Variants in SYT3 observed in about 807,000 individuals in gnomAD.
The protein encoded by SYT3 is synaptotagmin-3.
SYT3 carries 25 observed loss-of-function variants against 50.6 expected under a neutral mutation model. The ratio of observed to expected loss-of-function variants is 0.49; its 90% CI spans 0.36 to 0.69. The LOEUF (loss-of-function observed/expected upper bound fraction) is 0.69, where lower values mean the gene tolerates loss of function less well. Among genes scored for constraint, SYT3 ranks in the 30% least tolerant of loss-of-function variants. The pLI is 0.00. For synonymous variants in SYT3, 323 were observed against 353.9 expected (o/e 0.91, Z 0.98); for missense variants, 589 against 793.6 (o/e 0.74, Z 3.10).
chr19:50,638,334 C>T (rs1984561513), intron 2 of SYT3, among the ~76,000 whole-genome samples: 1 of 151,978 alleles, frequency 6.6e-6, no homozygotes, highest in Non-Finnish European at 1.5e-5. Context: ...GGAGGCCAGA[C>T]TGGGGTAGAC....
Position 50,632,795 on chromosome 19 carries a change from C to G in SYT3, c.165G>C (p.Leu55=). 1 of 1,516,652 alleles carries G rather than the reference C, an allele frequency of 6.6e-7. No individual in the cohort carries two copies. The highest frequency in any genetic ancestry group is 8.8e-7 in the Non-Finnish European group (1 of 1,134,364). The allele number at this position is 1,516,652 out of a possible 1,614,324, so 93.9% of individuals were successfully genotyped here. ...RGPDADISVS[L]LSVIVTFCGI... ...CACAGAATGTCACGATGACCGACAG[C>G]AGGCTCACGGAGATGTCTGGAGAGA... The change falls in exon 4 of 11, where the codon CTG becomes CTC. Residue 55 remains leucine (L), a synonymous_variant. Transcript: ENST00000600079. This position sits in a 1 kb window ranked among gnomAD's most constrained non-coding sequence, Gnocchi z 4.7.
At chr19:50,658,038 A>G in the SYT3 span, 4 of 1,535,794 alleles carry the variant, frequency 2.6e-6, no homozygotes, top group African/African-American at 2.7e-5. Context: ...CTGGAGGCCC[A>G]GTTACCAGGG....
the SYT3 span, chr19:50,649,425 C>T: frequency 6.5e-7 from 1 of 1,536,104 alleles, no homozygotes; most frequent in Admixed American, 2.0e-5. Context: ...CCTGAGACAT[C>T]CCTCACCCAC....
chr19:50,635,800 T>C (rs1984478387), intron 3 of SYT3, among the ~76,000 whole-genome samples: 1 of 152,186 alleles, frequency 6.6e-6, no homozygotes, highest in Non-Finnish European at 1.5e-5. Context: ...TGCTGTCACA[T>C]GTCGTTGCTG....
chr19:50,636,043 A>T (rs1984485369), intron 3 of SYT3, among the ~76,000 whole-genome samples: 1 of 152,158 alleles, frequency 6.6e-6, no homozygotes, highest in Non-Finnish European at 1.5e-5. Flanking sequence ...ACTTGAGGTC[A>T]GGAGTTCGAG....
Position 50,623,986 on chromosome 19 carries a change from G to A in SYT3, c.1707+1176C>T, listed in dbSNP as rs1182591413. Among the ~76,000 whole-genome samples the A allele has an allele frequency of 8.0e-5, 12 of 150,800 alleles. No individual in the cohort carries two copies. In the South Asian group the frequency reaches 2.1e-3, roughly 26 times the overall value. On this transcript the variant is annotated intron_variant, in intron 9 of 10. Coordinates refer to ENST00000600079, the MANE Select transcript of SYT3 (RefSeq NM_001160329.2). The stretch of plus-strand genomic sequence containing the variant: ...GCTTTTTTTTTTTTTTTAAGGAGAG[G>A]GGTTCCTGCTCCATTGCCCAGGCTG...
At chr19:50,654,934 A>G in the SYT3 span, among the ~76,000 whole-genome samples, 1 of 152,228 alleles carries the variant, frequency 6.6e-6, no homozygotes, top group Non-Finnish European at 1.5e-5. Context: ...AGATTTAGAG[A>G]TAAGAGTTCC....
chr19:50,625,249 G>C lies in SYT3; in HGVS notation c.1620C>G (p.Asp540Glu). 6.4e-7 allele frequency: 1 copy of C among 1,562,826 alleles called. No homozygotes were observed. Among genetic ancestry groups the C allele is most frequent in the Non-Finnish European group, 8.6e-7 (1 of 1,158,532 alleles). ...EVIGVCRVGP[D>E]AADPHGREHW... ...GCTCGCGGCCGTGCGGGTCGGCAGC[G>C]TCGGGGCCCACACGGCACACGCCGA... Residue 540 changes from aspartate to glutamate, a missense_variant, in exon 9 of 11, where the codon GAC (aspartate) becomes GAG (glutamate). Coordinates refer to ENST00000600079, the MANE Select transcript of SYT3 (RefSeq NM_001160329.2). This position sits in a 1 kb window ranked among gnomAD's most constrained non-coding sequence, Gnocchi z 7.5.
the SYT3 span, among the ~76,000 whole-genome samples, chr19:50,653,466 C>G: frequency 6.6e-6 from 1 of 151,898 alleles, no homozygotes; most frequent in African/African-American, 2.4e-5. Context: ...GCCGGTATGA[C>G]TGGAAGAAAA....
intron 3 of SYT3, among the ~76,000 whole-genome samples, chr19:50,633,232 T>C (rs1286630280): frequency 1.3e-5 from 2 of 152,180 alleles, no homozygotes; most frequent in East Asian, 3.9e-4. Context: ...TCTTCCCACC[T>C]TGGCCTCCCA....
At chr19:50,654,225 ATTTCT>A in the SYT3 span, among the ~76,000 whole-genome samples, 2 of 151,974 alleles carry the variant, frequency 1.3e-5, no homozygotes, top group Admixed American at 1.3e-4. Flanking sequence ...ACAGAAGTGT[ATTTCT>A]TTTCTTTTCT....
At position 50,625,238 on chromosome 19, in the gene SYT3, G is replaced by A. The variant is rs778253329; in HGVS notation, c.1631C>T (p.Pro544Leu). ...VCRVGPDAAD[P>L]HGREHWAEML... ...CTCTGCCCAGTGCTCGCGGCCGTGC[G>A]GGTCGGCAGCGTCGGGGCCCACACG... The change falls in exon 9 of 11, where the codon CCG becomes CTG. Residue 544 changes from proline (P) to leucine (L), a missense_variant. By Grantham distance (98) the Pro-to-Leu change is moderately conservative. This residue lies in a region of SYT3 where 273 missense variants were observed against 439.3 expected (regional missense o/e 0.62). Coordinates refer to ENST00000600079, the MANE Select transcript of SYT3 (RefSeq NM_001160329.2). This position sits in a 1 kb window ranked among gnomAD's most constrained non-coding sequence, Gnocchi z 7.5. 44 of 1,579,542 alleles carry A rather than the reference G, an allele frequency of 2.8e-5. No homozygotes were observed. Among genetic ancestry groups the A allele is most frequent in the East Asian group, 4.6e-5 (2 of 43,556 alleles).
chr19:50,650,579 G>A, the SYT3 span, among the ~76,000 whole-genome samples: 1 of 152,172 alleles, frequency 6.6e-6, no homozygotes, highest in Non-Finnish European at 1.5e-5. Context: ...GCTGAGGCAG[G>A]AGAATCGCTT....
At chr19:50,626,092 G>A in intron 6 of SYT3, 75 bp from the exon 7 acceptor site, 1 of 1,539,522 alleles carries the variant, frequency 6.5e-7, no homozygotes, top group Non-Finnish European at 8.8e-7. Context: ...TCTCCGGTCG[G>A]AGCCTCCTGC....
chr19:50,639,393 C>G lies in SYT3; in HGVS notation c.-153-231G>C, dbSNP rs1177116898. ...TGCTGGGAGTTGAAGTCCTTAATGC[C>G]TCCGGGCTGCAGAGAGGATGGGATT... On this transcript the variant is annotated intron_variant, in intron 1 of 10. Coordinates refer to ENST00000600079, the MANE Select transcript of SYT3 (RefSeq NM_001160329.2). The surrounding 1 kb of genome is among the most constrained non-coding windows in gnomAD (Gnocchi z 4.6). The G allele has an allele frequency of 6.6e-6, 1 of 151,680 alleles. No homozygotes were observed. Among genetic ancestry groups the G allele is most frequent in the African/African-American group, 2.4e-5 (1 of 41,190 alleles). The allele number at this position is 151,680 out of a possible 1,614,324, so 9.4% of individuals were successfully genotyped here.
chr19:50,632,433 G>A lies in SYT3; in HGVS notation c.527C>T (p.Ala176Val). ...TGTTTGGCTCGGTTTGACCCCAGCG[G>A]CCACTGCTGCTGCTGCAGCCTCTGG... ...SYPEAAAAAV[A>V]AGVKPSQTSP... Residue 176 changes from alanine (A) to valine (V), a missense_variant, in exon 4 of 11, where the codon GCC (alanine) becomes GTC (valine). By Grantham distance (64) the Ala-to-Val change is moderately conservative (BLOSUM62 0). Transcript: ENST00000600079. The surrounding 1 kb of genome is among the most constrained non-coding windows in gnomAD (Gnocchi z 4.7). The A allele has an allele frequency of 6.2e-7, 1 of 1,613,444 alleles. No homozygotes were observed. Among genetic ancestry groups the A allele is most frequent in the East Asian group, 2.2e-5 (1 of 44,878 alleles).
At chr19:50,640,951 C>G (rs1023605535), upstream of SYT3, among the ~76,000 whole-genome samples, 1 of 152,096 alleles carries the variant, frequency 6.6e-6, no homozygotes, top group African/African-American at 2.4e-5. Flanking sequence ...AAAGGCTGGG[C>G]TGACACCTGT....
At chr19:50,648,284 A>T in the SYT3 span, among the ~76,000 whole-genome samples, 1 of 152,288 alleles carries the variant, frequency 6.6e-6, no homozygotes, top group Non-Finnish European at 1.5e-5. Context: ...TGTAGCCTAG[A>T]TTGATTCTTA....
At chr19:50,623,893 A>G (rs538433201) in intron 9 of SYT3, among the ~76,000 whole-genome samples, 5 of 152,218 alleles carry the variant, frequency 3.3e-5, no homozygotes, top group African/African-American at 1.2e-4. Context: ...TCAAATTTTT[A>G]AAAAAGGCCA....
Sources: allele counts gnomAD v4.1 joint callset (sites outside exome capture counted in the v4.1 genomes callset), GRCh38; gene constraint gnomAD v4.1.1; regional missense constraint gnomAD v4.1.1; non-coding constraint Gnocchi (gnomAD v3.1); transcripts MANE v1.5; gene names NCBI Gene and HGNC (gene_info 2026-07-23, HGNC 2026-07-21).